The following PRMT3 variants were observed in gnomAD, a reference collection of about 807,000 sequenced individuals.
PRMT3 encodes protein arginine methyltransferase 3.
PRMT3 carries 62 observed loss-of-function variants against 71.9 expected under a neutral mutation model. The ratio of observed to expected loss-of-function variants is 0.86; its 90% confidence interval spans 0.70 to 1.07. PRMT3 has a LOEUF of 1.07. PRMT3 is among the 50% of genes least tolerant of loss of function. The pLI is 0.00. For synonymous variants in PRMT3, 213 were observed against 220.4 expected, an observed-to-expected ratio of 0.97 and a Z score of 0.30; for missense variants, 663 against 643.0, an observed-to-expected ratio of 1.03 and a Z score of -0.34.
intron 5 of PRMT3, 118 bp from the exon 6 acceptor site, chr11:20,395,685 A>G (rs1246452138): frequency 1.0e-6 from 1 of 966,934 alleles, no homozygotes; most frequent in Non-Finnish European, 1.5e-6. Context: ...AAGTACTTTC[A>G]CTAATCTTTC....
At chr11:20,418,601 T>A (rs1849359853) in intron 9 of PRMT3, among the ~76,000 whole-genome samples, 1 of 152,188 alleles carries the variant, frequency 6.6e-6, no homozygotes, top group Non-Finnish European at 1.5e-5. Flanking sequence ...GCATAACCAT[T>A]CTGAAGATAT....
chr11:20,414,741 C>G (rs1849265061), intron 9 of PRMT3, among the ~76,000 whole-genome samples: 1 of 152,070 alleles, frequency 6.6e-6, no homozygotes, highest in African/African-American at 2.4e-5. Context: ...TACACTCAAT[C>G]TCAGTTTGAC....
chr11:20,450,961 G>A (rs1210066398), intron 10 of PRMT3, among the ~76,000 whole-genome samples: 1 of 152,138 alleles, frequency 6.6e-6, no homozygotes, highest in Non-Finnish European at 1.5e-5. Flanking sequence ...GGTTCACCCT[G>A]AGCAATAAGA....
intron 15 of PRMT3, among the ~76,000 whole-genome samples, chr11:20,502,824 T>C (rs1325244714): frequency 6.6e-6 from 1 of 152,040 alleles, no homozygotes; most frequent in African/African-American, 2.4e-5. Context: ...TTACTAGCAA[T>C]ACCTCATATG....
At chr11:20,427,889 A>T (rs1017967252) in intron 10 of PRMT3, among the ~76,000 whole-genome samples, 1 of 152,150 alleles carries the variant, frequency 6.6e-6, no homozygotes, top group Non-Finnish European at 1.5e-5. Flanking sequence ...TTATCAAAAA[A>T]TTTTGAAAAC....
intron 15 of PRMT3, among the ~76,000 whole-genome samples, chr11:20,496,910 T>A (rs1280474705): frequency 2.6e-5 from 4 of 152,224 alleles, no homozygotes; most frequent in Non-Finnish European, 2.9e-5. Flanking sequence ...CTTGATGGTG[T>A]CATTTTCTCT....
At chr11:20,479,868 C>CA (rs952596423) in intron 13 of PRMT3, among the ~76,000 whole-genome samples, 1 of 151,592 alleles carries the variant, frequency 6.6e-6, no homozygotes, top group African/African-American at 2.4e-5. Context: ...ACATGTTCAC[C>CA]AAAAAAAATG....
intron 9 of PRMT3, among the ~76,000 whole-genome samples, chr11:20,409,790 T>C (rs1265968392): frequency 6.6e-6 from 1 of 152,052 alleles, no homozygotes; most frequent in Non-Finnish European, 1.5e-5. Context: ...TACAACATGA[T>C]CATTTTGGGG....
chr11:20,499,755 A>G (rs1300436295), intron 15 of PRMT3, among the ~76,000 whole-genome samples: 1 of 152,240 alleles, frequency 6.6e-6, no homozygotes, highest in Admixed American at 6.5e-5. Flanking sequence ...TACATTAAAC[A>G]TAAAGGATCT....
chr11:20,420,607 A>C (rs567653553), intron 9 of PRMT3, among the ~76,000 whole-genome samples: 9 of 152,188 alleles, frequency 5.9e-5, no homozygotes, highest in Non-Finnish European at 1.2e-4. Flanking sequence ...ACAAGAATCT[A>C]ATATCTGATG....
chr11:20,472,730 A>G (rs1017736422), intron 13 of PRMT3, among the ~76,000 whole-genome samples: 1 of 152,156 alleles, frequency 6.6e-6, no homozygotes, highest in East Asian at 1.9e-4. Flanking sequence ...GCCTCATAGA[A>G]CAAGTAGGGA....
chr11:20,408,147 A>C, intron 9 of PRMT3, 115 bp downstream of exon 9: 1 of 656,888 alleles, frequency 1.5e-6, no homozygotes, highest in Non-Finnish European at 2.3e-6. Flanking sequence ...GTCTTTTAGT[A>C]AAAATTCACT....
intron 10 of PRMT3, among the ~76,000 whole-genome samples, chr11:20,438,215 T>G (rs935038539): frequency 2.8e-4 from 43 of 152,268 alleles, no homozygotes; most frequent in Middle Eastern, 6.8e-3. Context: ...ACTGTGGTTT[T>G]ACTCAAGCCA....
chr11:20,456,429 T>C (rs1850268760), intron 11 of PRMT3, among the ~76,000 whole-genome samples: 1 of 152,226 alleles, frequency 6.6e-6, no homozygotes, highest in Admixed American at 6.5e-5. Flanking sequence ...AGGTTAGATA[T>C]TAATATTTTC....
At chr11:20,498,290 A>G (rs1851378318) in intron 15 of PRMT3, among the ~76,000 whole-genome samples, 1 of 152,214 alleles carries the variant, frequency 6.6e-6, no homozygotes, top group African/African-American at 2.4e-5. Flanking sequence ...CTACACATCG[A>G]AGAAACTCAA....
chr11:20,455,804 G>A (rs1268862933), intron 11 of PRMT3, among the ~76,000 whole-genome samples: 2 of 151,710 alleles, frequency 1.3e-5, no homozygotes, highest in Admixed American at 6.6e-5. Flanking sequence ...TCATATAATT[G>A]AAGAAATGAT....
At chr11:20,448,731 A>G (rs1218844933) in intron 10 of PRMT3, among the ~76,000 whole-genome samples, 1 of 152,190 alleles carries the variant, frequency 6.6e-6, no homozygotes, top group Non-Finnish European at 1.5e-5. Context: ...TAAAGACAAG[A>G]TTCCCACTTC....
intron 15 of PRMT3, among the ~76,000 whole-genome samples, chr11:20,499,930 T>TA (rs1851419177): frequency 1.3e-5 from 2 of 152,138 alleles, no homozygotes; most frequent in Admixed American, 1.3e-4. Flanking sequence ...AACCAGAGTA[T>TA]ATGGAGCAGC....
chr11:20,444,282 T>C (rs911915536), intron 10 of PRMT3, among the ~76,000 whole-genome samples: 2 of 152,204 alleles, frequency 1.3e-5, no homozygotes, highest in Non-Finnish European at 2.9e-5. Flanking sequence ...TGTATGTATA[T>C]TTCTTGGCAT....
Sources: gnomAD v4.1 joint callset for allele counts (sites outside exome capture counted in the v4.1 genomes callset) on GRCh38, gnomAD v4.1.1 for gene constraint, MANE v1.5 for transcripts, NCBI Gene and HGNC (gene_info 2026-07-23, HGNC 2026-07-21) for gene names.